EIF4E: variants seen among roughly 807,000 people sequenced by gnomAD.
EIF4E encodes the protein eukaryotic translation initiation factor 4E, also known as eIF-4F 25 kDa subunit.
For synonymous variants in EIF4E, 71 were observed against 88.5 expected, an observed-to-expected ratio of 0.80 and a Z score of 1.11; for missense variants, 113 against 265.6, an observed-to-expected ratio of 0.43 and a Z score of 3.99.
chr4:98,922,168 T>C (rs1725669899), intron 1 of EIF4E, among the ~76,000 whole-genome samples: 2 of 152,198 alleles, frequency 1.3e-5, no homozygotes, highest in Non-Finnish European at 2.9e-5. Context: ...CTCTGCACTT[T>C]GGCTGCTTTA....
chr4:98,912,742 A>G (rs1725208399), intron 1 of EIF4E, among the ~76,000 whole-genome samples: 1 of 152,232 alleles, frequency 6.6e-6, no homozygotes, highest in Admixed American at 6.5e-5. Flanking sequence ...AAAGCTTTAT[A>G]AGAAGTATTT....
At chr4:98,881,236 T>C (rs886837703) in intron 6 of EIF4E, 94 bp from the exon 7 acceptor site, 1 of 1,504,044 alleles carries the variant, frequency 6.6e-7, no homozygotes, top group Non-Finnish European at 8.9e-7. Context: ...AGTCTTTATA[T>C]TAAAAAACAT....
chr4:98,884,791 A>G, intron 6 of EIF4E, 131 bp downstream of exon 6: 1 of 1,259,154 alleles, frequency 7.9e-7, no homozygotes, highest in South Asian at 1.3e-5. Flanking sequence ...AAAATTATAA[A>G]AGTGTTCACG....
At position 98,887,237 on chromosome 4, in the gene EIF4E, G is replaced by T; in HGVS notation, c.286-45C>A. The T allele has an allele frequency of 6.4e-7, 1 of 1,567,706 alleles. No individual in the cohort carries two copies. Among genetic ancestry groups the T allele is most frequent in the Non-Finnish European group, 8.8e-7 (1 of 1,138,406 alleles). On this transcript the variant is annotated intron_variant, in intron 4 of 6. Transcript: ENST00000450253. This position sits in a 1 kb window ranked among gnomAD's most constrained non-coding sequence, Gnocchi z 4.0. ...CAGTATTACACAACATTGTTACCTT[G>T]ACTTTGAGAGATAATCATTAGAAAC...
chr4:98,885,547 A>C (rs1202981560), intron 5 of EIF4E, among the ~76,000 whole-genome samples: 1 of 152,150 alleles, frequency 6.6e-6, no homozygotes, highest in Non-Finnish European at 1.5e-5. Flanking sequence ...TCCTGGGCTC[A>C]AATGATCCTT....
chr4:98,882,168 G>A (rs971206716), intron 6 of EIF4E, among the ~76,000 whole-genome samples: 38 of 151,624 alleles, frequency 2.5e-4, no homozygotes, highest in South Asian at 8.3e-4. Context: ...CGAGGCGGGC[G>A]GATCACGAGG....
Position 98,880,979 on chromosome 4 carries a change from C to T in EIF4E, c.*49G>A. ...AGAGGCTTTGGTTCAGCTCCCAAAT[C>T]TCGATTGCTTGACGCAGTCTCCTAT... On this transcript the variant is annotated 3_prime_UTR_variant, in exon 7 of 7. Coordinates refer to ENST00000450253, the MANE Select transcript of EIF4E (RefSeq NM_001968.5). 1 of 1,549,732 alleles carries T rather than the reference C, an allele frequency of 6.5e-7. No individual in the cohort carries two copies.
At chr4:98,901,061 C>A (rs1465592790) in intron 2 of EIF4E, among the ~76,000 whole-genome samples, 1 of 152,212 alleles carries the variant, frequency 6.6e-6, no homozygotes, top group Non-Finnish European at 1.5e-5. Context: ...TTTCCCAAGT[C>A]AGCACGGACT....
intron 1 of EIF4E, among the ~76,000 whole-genome samples, chr4:98,922,554 A>G (rs1479570865): frequency 7.6e-6 from 1 of 132,376 alleles, no homozygotes; most frequent in Non-Finnish European, 1.6e-5. Flanking sequence ...ACGCTGTCTC[A>G]AAAAAAAAAA....
chr4:98,887,537 G>A lies in EIF4E; in HGVS notation c.286-345C>T, dbSNP rs1471067769. Among the ~76,000 whole-genome samples, 6 of 152,018 alleles carry A rather than the reference G, an allele frequency of 3.9e-5. No individual in the cohort carries two copies. Among genetic ancestry groups the A allele is most frequent in the East Asian group, 1.9e-4 (1 of 5,184 alleles). ...TGCAATTTCAGTTAATGAATGTCCC[G>A]TCCCTCTACCAACTGACAAAGCCCA... On this transcript the variant is annotated intron_variant, in intron 4 of 6. Transcript: ENST00000450253. The surrounding 1 kb of genome is among the most constrained non-coding windows in gnomAD (Gnocchi z 4.0).
rs1309309428 is a variant in EIF4E, at chr4:98,880,111, TA to T, written c.*916del. 6.6e-6 allele frequency: 1 copy of T among 152,588 alleles called. No homozygotes were observed. The highest frequency in any genetic ancestry group is 1.5e-5 in the Non-Finnish European group (1 of 67,986). The allele number at this position is 152,588 out of a possible 1,614,324, so 9.5% of individuals were successfully genotyped here. A position where few individuals can be genotyped will look rare whatever the true frequency, so the allele number is the denominator to read the frequency against. ...TTATTTACAGTTTTGTACACTGTCT[TA>T]ATATGAATGGGACTGCTTTTCTACT... is the stretch of plus-strand genomic sequence containing the variant. On this transcript the variant is annotated 3_prime_UTR_variant, in exon 7 of 7. Coordinates refer to ENST00000450253, the MANE Select transcript of EIF4E (RefSeq NM_001968.5).
chr4:98,906,523 T>TA (rs1430653846), intron 1 of EIF4E, among the ~76,000 whole-genome samples: 1 of 151,992 alleles, frequency 6.6e-6, no homozygotes, highest in Non-Finnish European at 1.5e-5. Flanking sequence ...TAGAAATTTT[T>TA]AAAAAAAGGC....
intron 1 of EIF4E, chr4:98,903,525 G>C (rs913278517): frequency 1.3e-5 from 6 of 454,300 alleles, no homozygotes; most frequent in African/African-American, 1.2e-4. Flanking sequence ...TTTATTTTTA[G>C]TAGAGACAAG....
intron 6 of EIF4E, among the ~76,000 whole-genome samples, chr4:98,884,195 T>C (rs1723816203): frequency 6.6e-6 from 1 of 152,242 alleles, no homozygotes; most frequent in Non-Finnish European, 1.5e-5. Context: ...ATGCTTTAAA[T>C]GCACATATAC....
chr4:98,881,426 T>G (rs1237128228), intron 6 of EIF4E, among the ~76,000 whole-genome samples: 2 of 143,412 alleles, frequency 1.4e-5, no homozygotes, highest in African/African-American at 4.9e-5. Context: ...ATTATGATAC[T>G]ATAATTATTA....
Position 98,880,750 on chromosome 4 carries a change from C to T in EIF4E, c.*278G>A, listed in dbSNP as rs1484334724. The T allele has an allele frequency of 1.0e-5, 3 of 286,592 alleles. No homozygotes were observed. The highest frequency in any genetic ancestry group is 2.0e-5 in the Non-Finnish European group (3 of 152,206). The allele number at this position is 286,592 out of a possible 1,614,324, so 17.8% of individuals were successfully genotyped here. A position where few individuals can be genotyped will look rare whatever the true frequency, so the allele number is the denominator to read the frequency against. ...TGTAATTAATGGTAATTCTACTGAA[C>T]TATTACAGAGTGGGCCAGGAACACA... On this transcript the variant is annotated 3_prime_UTR_variant, in exon 7 of 7. Coordinates refer to ENST00000450253, the MANE Select transcript of EIF4E (RefSeq NM_001968.5).
chr4:98,890,304 G>A (rs1424720457), intron 3 of EIF4E, among the ~76,000 whole-genome samples: 1 of 152,102 alleles, frequency 6.6e-6, no homozygotes, highest in Non-Finnish European at 1.5e-5. Flanking sequence ...GCATGTATAT[G>A]ATCCTAAAAA....
At chr4:98,890,380 G>A (rs1724096884) in intron 3 of EIF4E, among the ~76,000 whole-genome samples, 1 of 152,154 alleles carries the variant, frequency 6.6e-6, no homozygotes, top group Non-Finnish European at 1.5e-5. Context: ...AAAGAGTTTT[G>A]CCTTTCATGG....
chr4:98,888,597 A>G (rs1724018232), intron 3 of EIF4E, among the ~76,000 whole-genome samples: 1 of 152,218 alleles, frequency 6.6e-6, no homozygotes, highest in South Asian at 2.1e-4. Context: ...GTATTTCTAA[A>G]CTATTTCCCA....
Sources: allele counts gnomAD v4.1 joint callset (sites outside exome capture counted in the v4.1 genomes callset), GRCh38; gene constraint gnomAD v4.1.1; non-coding constraint Gnocchi (gnomAD v3.1); transcripts MANE v1.5; gene names NCBI Gene and HGNC (gene_info 2026-07-23, HGNC 2026-07-21).